CD247: variants seen among roughly 807,000 people sequenced by gnomAD.
CD247 encodes the protein T-cell surface glycoprotein CD3 zeta chain.
In CD247, 13 loss-of-function variants were observed where a neutral mutation model predicts 30.0. The observed-to-expected ratio is 0.43, with a 90% confidence interval of 0.28 to 0.69. CD247 has a LOEUF of 0.69. CD247 is among the 30% of genes least tolerant of loss of function. CD247 has a pLI of 0.16. For synonymous variants in CD247, 72 were observed against 80.0 expected (o/e 0.90, Z 0.53); for missense variants, 193 against 212.6 (o/e 0.91, Z 0.57).
intron 1 of CD247, among the ~76,000 whole-genome samples, chr1:167,515,943 T>C (rs548057620): frequency 1.0e-3 from 156 of 152,382 alleles, no homozygotes; most frequent in South Asian, 4.3e-3. Flanking sequence ...GTCACATCTC[T>C]GCAAAGAAGG....
chr1:167,493,747 G>A (rs945791023), intron 1 of CD247, among the ~76,000 whole-genome samples: 5 of 152,180 alleles, frequency 3.3e-5, no homozygotes, highest in South Asian at 2.1e-4. Flanking sequence ...ATCAAGTGAC[G>A]TGTCCGAGGC....
At chr1:167,486,961 C>T (rs1654233903) in intron 1 of CD247, among the ~76,000 whole-genome samples, 1 of 150,762 alleles carries the variant, frequency 6.6e-6, no homozygotes. Flanking sequence ...GTAATCCCAG[C>T]TACTTGGGAG....
chr1:167,514,823 A>G (rs1655533436), intron 1 of CD247, among the ~76,000 whole-genome samples: 1 of 152,238 alleles, frequency 6.6e-6, no homozygotes, highest in African/African-American at 2.4e-5. Flanking sequence ...GTGTTTGGAC[A>G]ACTCTAATCT....
At chr1:167,502,618 C>T (rs858536) in intron 1 of CD247, among the ~76,000 whole-genome samples, 32,042 of 152,104 alleles carry the variant, frequency 0.21, 4,284 homozygotes, top group African/African-American at 0.38. Context: ...CTAACACCCT[C>T]TGAATGTCAC....
intron 1 of CD247, among the ~76,000 whole-genome samples, chr1:167,514,404 G>A (rs1238724186): frequency 6.6e-6 from 1 of 152,176 alleles, no homozygotes; most frequent in Non-Finnish European, 1.5e-5. Context: ...CTCCCAGAGT[G>A]CATTCAACAA....
intron 1 of CD247, among the ~76,000 whole-genome samples, chr1:167,449,213 C>A (rs1334059719): frequency 6.6e-4 from 88 of 133,826 alleles, no homozygotes; most frequent in African/African-American, 2.4e-3. Flanking sequence ...AGTGCAGTGG[C>A]ATGATCTTGG....
At position 167,494,537 on chromosome 1, in the gene CD247, A is replaced by AG. The variant is rs543265569; in HGVS notation, c.58+23870dup. On this transcript the variant is annotated intron_variant, in intron 1 of 7. Transcript: ENST00000362089. The surrounding 1 kb of genome is among the most constrained non-coding windows in gnomAD (Gnocchi z 7.3). The stretch of plus-strand genomic sequence containing the variant: ...CTGTCGACCTCATGGGGCTGCTGTG[A>AG]GGGTCAGATGAGAAAATGGGTGGGG... Among the ~76,000 whole-genome samples, 12 of 152,218 alleles carry AG rather than the reference A, an allele frequency of 7.9e-5. No individual in the cohort carries two copies. In the East Asian group the frequency reaches 2.3e-3, roughly 29 times the overall value.
intron 1 of CD247, among the ~76,000 whole-genome samples, chr1:167,456,084 A>C (rs1652648547): frequency 6.7e-6 from 1 of 149,178 alleles, no homozygotes. Flanking sequence ...GGGGGACTCC[A>C]AATGTCGTCA....
At chr1:167,495,418 G>A (rs1245710066) in intron 1 of CD247, among the ~76,000 whole-genome samples, 1 of 152,146 alleles carries the variant, frequency 6.6e-6, no homozygotes, top group Non-Finnish European at 1.5e-5. Context: ...GGGAAGAAGA[G>A]TGTGCTCCCG....
intron 1 of CD247, among the ~76,000 whole-genome samples, chr1:167,472,853 TCATGGCCTAGTGACCCC>T (rs1419334106): frequency 6.6e-6 from 1 of 152,196 alleles, no homozygotes; most frequent in Non-Finnish European, 1.5e-5. Flanking sequence ...CTTGGTGTCC[TCATGGCCTAGTGACCCC>T]CATGGCCTAG....
At chr1:167,440,331 A>G (rs1651758312) in intron 2 of CD247, 7 of 381,376 alleles carry the variant, frequency 1.8e-5, no homozygotes, top group Non-Finnish European at 3.5e-5. Flanking sequence ...GCCTTCATTC[A>G]CACTTGGAAA....
intron 1 of CD247, among the ~76,000 whole-genome samples, chr1:167,453,943 AAC>A (rs1262213086): frequency 6.6e-6 from 1 of 152,214 alleles, no homozygotes; most frequent in Non-Finnish European, 1.5e-5. Context: ...CATCCTGGGC[AAC>A]AGAGTTAGAC....
chr1:167,483,208 A>G lies in CD247; in HGVS notation c.58+35200T>C, dbSNP rs34789448. 4.3e-3 allele frequency among the ~76,000 whole-genome samples: 648 copies of G among 152,022 alleles called. 5 individuals are homozygous for G. The highest frequency in any genetic ancestry group is 0.015 in the African/African-American group (616 of 41,474). On this transcript the variant is annotated intron_variant, in intron 1 of 7. Transcript: ENST00000362089. Reference sequence around the variant, plus strand: ...TTTTTAGTAGAGATGGGGTTTCTCCATGTTGTTCAGGCTGGTCTCAAACTC... The same window carrying G: ...TTTTTAGTAGAGATGGGGTTTCTCCGTGTTGTTCAGGCTGGTCTCAAACTC...
At position 167,490,630 on chromosome 1, in the gene CD247, GA is replaced by G. The variant is rs11385046; in HGVS notation, c.58+27777del. ...AAGAGCGAGTCTCCGTCTCAAAAAA[GA>G]AAAAAAAATTATTTTTGAAGGTCGG... On this transcript the variant is annotated intron_variant, in intron 1 of 7. Transcript: ENST00000362089. Among the ~76,000 whole-genome samples the G allele has an allele frequency of 7.6e-4, 115 of 150,580 alleles. 3 individuals carry two copies. The South Asian group carries it at 0.022, about 29-fold the overall frequency.
chr1:167,437,935 A>G (rs1651624473), intron 4 of CD247, among the ~76,000 whole-genome samples: 1 of 152,204 alleles, frequency 6.6e-6, no homozygotes, highest in Admixed American at 6.5e-5. Flanking sequence ...TAATCATTTC[A>G]TATTATATTC....
intron 1 of CD247, chr1:167,448,495 G>A (rs1474993005): frequency 2.1e-5 from 21 of 985,314 alleles, no homozygotes; most frequent in Non-Finnish European, 2.4e-5. Context: ...GGCCTGGGGG[G>A]TTGACAGATA....
At chr1:167,476,642 G>A (rs534689542) in intron 1 of CD247, among the ~76,000 whole-genome samples, 3 of 152,134 alleles carry the variant, frequency 2.0e-5, no homozygotes, top group Non-Finnish European at 2.9e-5. Context: ...GTGCAACATA[G>A]TGAAACCCCA....
chr1:167,441,583 A>G (rs940839485), intron 1 of CD247, among the ~76,000 whole-genome samples: 4 of 151,694 alleles, frequency 2.6e-5, no homozygotes, highest in African/African-American at 9.7e-5. Context: ...TGTTCCCTCC[A>G]TTTCTCTCCC....
chr1:167,465,252 C>A (rs1653187729), intron 1 of CD247, among the ~76,000 whole-genome samples: 1 of 152,032 alleles, frequency 6.6e-6, no homozygotes. Flanking sequence ...AGTGGCCAGT[C>A]CCTTATAAAC....
Sources: allele counts gnomAD v4.1 joint callset (sites outside exome capture counted in the v4.1 genomes callset), GRCh38; gene constraint gnomAD v4.1.1; non-coding constraint Gnocchi (gnomAD v3.1); transcripts MANE v1.5; gene names NCBI Gene and HGNC (gene_info 2026-07-23, HGNC 2026-07-21).